Variants in SLC39A11 observed in about 807,000 individuals in gnomAD.
SLC39A11 encodes the protein zinc transporter ZIP11.
Under a neutral mutation model 36.1 loss-of-function variants are expected in SLC39A11, and 33 were observed. That is an observed-to-expected ratio of 0.91 (90% CI 0.69 to 1.22). The LOEUF (loss-of-function observed/expected upper bound fraction) is 1.22, where lower values mean the gene tolerates loss of function less well. SLC39A11 is among the 50% of genes most tolerant of loss of function. The probability of loss-of-function intolerance (pLI) is 0.00; values close to 1 mark genes in which losing one functional copy is unlikely to be tolerated. For synonymous variants in SLC39A11, 166 were observed against 170.3 expected (o/e 0.97, Z 0.20); for missense variants, 432 against 430.3 (o/e 1.00, Z -0.03).
At chr17:72,991,793 G>T (rs1352178303) in intron 4 of SLC39A11, among the ~76,000 whole-genome samples, 1 of 152,160 alleles carries the variant, frequency 6.6e-6, no homozygotes, top group African/African-American at 2.4e-5. Context: ...ATGCTGCAAT[G>T]AACATTCTCA....
chr17:72,840,991 C>T (rs1479201185), intron 6 of SLC39A11, among the ~76,000 whole-genome samples: 2 of 149,594 alleles, frequency 1.3e-5, no homozygotes, highest in Non-Finnish European at 3.0e-5. Context: ...GGAGACGGAG[C>T]TTGCAGTGAG....
intron 3 of SLC39A11, among the ~76,000 whole-genome samples, chr17:73,037,908 G>A (rs144685908): frequency 2.1e-4 from 32 of 152,338 alleles, no homozygotes; most frequent in South Asian, 1.0e-3. Context: ...AGAAGCTCAA[G>A]GATGAGTATT....
chr17:73,072,918 G>A (rs902386646), intron 3 of SLC39A11, among the ~76,000 whole-genome samples: 7 of 152,336 alleles, frequency 4.6e-5, no homozygotes, highest in Non-Finnish European at 1.0e-4. Context: ...AGTGGCCCAC[G>A]CCTGTAATCC....
chr17:72,857,198 TCATTTAACTTC>T (rs2079692591), intron 5 of SLC39A11, among the ~76,000 whole-genome samples: 1 of 152,202 alleles, frequency 6.6e-6, no homozygotes, highest in Non-Finnish European at 1.5e-5. Flanking sequence ...CAAGTTCTCA[TCATTTAACTTC>T]CACTTGTAAG....
In SLC39A11 at chr17:72,810,166, C is replaced by T. The variant is rs368608692; in HGVS notation, c.601+39468G>A. 5.9e-5 allele frequency among the ~76,000 whole-genome samples: 9 copies of T among 151,904 alleles called. No homozygotes were observed. The East Asian group carries it at 7.7e-4, about 13-fold the overall frequency. Reference sequence around the variant, plus strand: ...ATACTCTCTTAAGAAAATATCTTTCCCCAATTCTCAAATAGTACTTACTGG... The same window carrying T: ...ATACTCTCTTAAGAAAATATCTTTCTCCAATTCTCAAATAGTACTTACTGG... On this transcript the variant is annotated intron_variant, in intron 6 of 9. Transcript: ENST00000255559.
intron 5 of SLC39A11, among the ~76,000 whole-genome samples, chr17:72,870,078 T>C (rs775937783): frequency 1.6e-4 from 24 of 152,116 alleles, no homozygotes; most frequent in Non-Finnish European, 3.1e-4. Context: ...TACATCTGCA[T>C]TTTTAAAAAC....
At chr17:72,667,117 G>A (rs1037250767) in intron 7 of SLC39A11, among the ~76,000 whole-genome samples, 1 of 152,178 alleles carries the variant, frequency 6.6e-6, no homozygotes, top group Admixed American at 6.5e-5. Context: ...GGAGAATAAA[G>A]GTGAATGGAG....
At position 73,031,588 on chromosome 17, in the gene SLC39A11, C is replaced by A. The variant is rs77067971; in HGVS notation, c.274G>T (p.Val92Phe). Residue 92 changes from valine (V) to phenylalanine (F), a missense_variant, in exon 4 of 10, where the codon GTC becomes TTC. Physicochemically the swap from Val to Phe is conservative, Grantham distance 50. Coordinates refer to ENST00000255559, the MANE Select transcript of SLC39A11 (RefSeq NM_139177.4). The part of the protein sequence containing the change: ...AVGFTLGAAF[V>F]YLADLLMPHL... ...GGCATCAGGAGGTCAGCCAAGTAGACAAAAGCCGCTCCAAGGGTGAAGCCA... is the reference window on the plus strand; with the variant it reads ...GGCATCAGGAGGTCAGCCAAGTAGAAAAAAGCCGCTCCAAGGGTGAAGCCA... The A allele has an allele frequency of 6.2e-7, 1 of 1,614,106 alleles. No homozygotes were observed. The highest frequency in any genetic ancestry group is 8.5e-7 in the Non-Finnish European group (1 of 1,180,018).
chr17:72,797,077 G>A (rs2076920728), intron 6 of SLC39A11, among the ~76,000 whole-genome samples: 1 of 152,126 alleles, frequency 6.6e-6, no homozygotes. Flanking sequence ...GAAAGTGCCT[G>A]TGTGTGAGGA....
chr17:72,723,390 T>A (rs1029178189), intron 7 of SLC39A11, among the ~76,000 whole-genome samples: 2 of 151,522 alleles, frequency 1.3e-5, no homozygotes, highest in Non-Finnish European at 2.9e-5. Flanking sequence ...GATTAGAGAA[T>A]TTCTCCATCC....
intron 6 of SLC39A11, 181 bp downstream of exon 6, chr17:72,849,453 T>C (rs972693873): frequency 6.3e-6 from 3 of 472,450 alleles, no homozygotes; most frequent in African/African-American, 4.0e-5. Flanking sequence ...TTTTCACATA[T>C]GATGATCTAT....
intron 5 of SLC39A11, among the ~76,000 whole-genome samples, chr17:72,903,894 T>A (rs1291236089): frequency 1.3e-5 from 2 of 152,116 alleles, no homozygotes; most frequent in African/African-American, 4.8e-5. Context: ...CCCTGCTATA[T>A]GCATAACAGG....
intron 6 of SLC39A11, among the ~76,000 whole-genome samples, chr17:72,808,045 C>CA (rs2077318772): frequency 6.7e-6 from 1 of 149,602 alleles, no homozygotes; most frequent in Admixed American, 6.6e-5. Flanking sequence ...TTGGTTGTTA[C>CA]AGGAAAAAAA....
intron 5 of SLC39A11, among the ~76,000 whole-genome samples, chr17:72,863,415 G>C (rs549228032): frequency 6.6e-6 from 1 of 152,198 alleles, no homozygotes; most frequent in East Asian, 1.9e-4. Context: ...GAAACCCAAG[G>C]AGGGACTCAG....
chr17:72,754,039 TATATATACAC>T (rs1470228206), intron 6 of SLC39A11, among the ~76,000 whole-genome samples: 18 of 109,732 alleles, frequency 1.6e-4, no homozygotes, highest in Non-Finnish European at 1.8e-4. Flanking sequence ...TATATATATA[TATATATACAC>T]ATACACACAC....
intron 8 of SLC39A11, 34 bp downstream of exon 8, chr17:72,649,136 C>T: frequency 6.3e-7 from 1 of 1,594,748 alleles, no homozygotes; most frequent in Non-Finnish European, 8.6e-7. Context: ...ATGGAGGATG[C>T]TGTGACATGG....
chr17:73,087,863 G>A (rs1431873310), intron 2 of SLC39A11, among the ~76,000 whole-genome samples: 1 of 151,852 alleles, frequency 6.6e-6, no homozygotes, highest in Non-Finnish European at 1.5e-5. Flanking sequence ...CTGGAGATGG[G>A]TTGAAAAAAA....
chr17:72,714,524 GCTGA>G (rs1322372999), intron 7 of SLC39A11, among the ~76,000 whole-genome samples: 2 of 152,200 alleles, frequency 1.3e-5, no homozygotes, highest in Non-Finnish European at 2.9e-5. Flanking sequence ...TAACCCTGCT[GCTGA>G]CAGTGTCAAC....
At chr17:72,733,848 C>T (rs975568986) in intron 7 of SLC39A11, among the ~76,000 whole-genome samples, 5 of 152,166 alleles carry the variant, frequency 3.3e-5, no homozygotes, top group Non-Finnish European at 4.4e-5. Context: ...GTATGAACCC[C>T]ATAGCAGGCT....
Sources: allele counts gnomAD v4.1 joint callset (sites outside exome capture counted in the v4.1 genomes callset), GRCh38; gene constraint gnomAD v4.1.1; transcripts MANE v1.5; gene names NCBI Gene and HGNC (gene_info 2026-07-23, HGNC 2026-07-21).